Variants in VPS16 observed in about 807,000 individuals in gnomAD.
VPS16 encodes vacuolar protein sorting-associated protein 16 homolog.
Under a neutral mutation model 116.0 loss-of-function variants are expected in VPS16, and 82 were observed. That is an observed-to-expected ratio of 0.71 (90% CI 0.59 to 0.85). The LOEUF is 0.85. Among genes scored for constraint, VPS16 ranks in the 40% least tolerant of loss-of-function variants. VPS16 has a pLI of 0.00. For missense variants in VPS16, 928 were observed against 1,090.6 expected (o/e 0.85, Z 2.10); for synonymous variants, 406 against 420.7 (o/e 0.96, Z 0.43).
chr20:2,840,917 CT>C, intron 1 of VPS16, 90 bp downstream of exon 1: 1 of 1,260,226 alleles, frequency 7.9e-7, no homozygotes, highest in Non-Finnish European at 1.1e-6. Context: ...CCTGTCACTA[CT>C]GGCGCTGGGG....
At chr20:2,842,844 C>CTATCGATA (rs1568621000) in intron 1 of VPS16, among the ~76,000 whole-genome samples, 6 of 20,222 alleles carry the variant, frequency 3.0e-4, no homozygotes, top group South Asian at 3.0e-3. Flanking sequence ...ATGTATCTAT[C>CTATCGATA]GATAGATAGA....
intron 1 of VPS16, among the ~76,000 whole-genome samples, chr20:2,846,973 C>T (rs2089066397): frequency 6.6e-6 from 1 of 152,152 alleles, no homozygotes; most frequent in African/African-American, 2.4e-5. Context: ...AAAGATGGGG[C>T]TGGCCTTCCT....
At chr20:2,847,519 G>A (rs2089072961) in intron 1 of VPS16, among the ~76,000 whole-genome samples, 3 of 137,806 alleles carry the variant, frequency 2.2e-5, no homozygotes, top group South Asian at 4.6e-4. Context: ...TTGCTCTGTC[G>A]CCAGGCTGGA....
chr20:2,860,035 G>A lies in VPS16; in HGVS notation c.143-19G>A, dbSNP rs781160193. ...TGGGCCTAGGGAGCTAGGACAGAAG[G>A]TCTCTTCTCAAACTGCAGCACTGCT... On this transcript the variant is annotated intron_variant, in intron 2 of 23. Coordinates refer to ENST00000380445, the MANE Select transcript of VPS16 (RefSeq NM_022575.4). The surrounding 1 kb of genome is among the most constrained non-coding windows in gnomAD (Gnocchi z 6.1). 6.2e-7 allele frequency: 1 copy of A among 1,613,810 alleles called. No individual in the cohort carries two copies.
chr20:2,848,120 C>T (rs1285745036), intron 1 of VPS16, among the ~76,000 whole-genome samples: 1 of 152,236 alleles, frequency 6.6e-6, no homozygotes, highest in Non-Finnish European at 1.5e-5. Flanking sequence ...GTTCACGTAG[C>T]AGGCAGATTG....
chr20:2,861,163 G>A (rs1363810923), intron 7 of VPS16, 62 bp from the exon 8 acceptor site: 1 of 1,614,042 alleles, frequency 6.2e-7, no homozygotes, highest in African/African-American at 1.3e-5. Context: ...GATGCGGGAG[G>A]GCTTTTCGAC....
intron 1 of VPS16, among the ~76,000 whole-genome samples, chr20:2,841,474 T>TA (rs2088973473): frequency 1.3e-5 from 2 of 152,244 alleles, no homozygotes; most frequent in South Asian, 4.1e-4. Context: ...ACCGCTCTCC[T>TA]ACCCAAATCT....
At chr20:2,842,829 TATAGATGTATCTATCGATAG>T (rs1599967288) in intron 1 of VPS16, among the ~76,000 whole-genome samples, 94 of 3,358 alleles carry the variant, frequency 0.028, no homozygotes, top group African/African-American at 0.086. Flanking sequence ...TAGATAGACA[TATAGATGTATCTATCGATAG>T]ATAGATGTAT....
Position 2,861,833 on chromosome 20 carries a change from G to GTCC in VPS16, c.929_930insCCT (p.Val310_Pro311insLeu), listed in dbSNP as rs777899918. The GTCC allele has an allele frequency of 6.2e-7, 1 of 1,613,984 alleles. No homozygotes were observed. The highest frequency in any genetic ancestry group is 8.5e-7 in the Non-Finnish European group (1 of 1,179,962). On this transcript the variant is annotated inframe_insertion, in exon 10 of 24. Transcript: ENST00000380445. ...TGTGCTGGATGAGGACTCCTACCTG[G>GTCC]TGCCTGAGCTCGATGGGGTCCGCAT...
intron 1 of VPS16, among the ~76,000 whole-genome samples, chr20:2,847,426 G>T: frequency 7.4e-6 from 1 of 135,106 alleles, no homozygotes; most frequent in Non-Finnish European, 1.6e-5. Flanking sequence ...TCCCACCCTT[G>T]TGCTCATCCA....
Position 2,863,936 on chromosome 20 carries a change from G to T in VPS16, c.1477-13G>T, listed in dbSNP as rs770008498. On this transcript the variant is annotated splice_polypyrimidine_tract_variant and intron_variant, in intron 15 of 23. Coordinates refer to ENST00000380445, the MANE Select transcript of VPS16 (RefSeq NM_022575.4). This position sits in a 1 kb window ranked among gnomAD's most constrained non-coding sequence, Gnocchi z 4.4. ...GGCATCCAGATGTTTGTGACACCCC[G>T]CATCCCTTGCAGGTGCAACAGAAGG... 1 of 1,612,228 alleles carries T rather than the reference G, an allele frequency of 6.2e-7. No individual in the cohort carries two copies. Among genetic ancestry groups the T allele is most frequent in the Admixed American group, 1.7e-5 (1 of 59,954 alleles).
At chr20:2,845,043 T>TGTGTG (rs879865028) in intron 1 of VPS16, among the ~76,000 whole-genome samples, 2 of 150,862 alleles carry the variant, frequency 1.3e-5, no homozygotes, top group African/African-American at 2.5e-5. Flanking sequence ...TGTGTGTGTG[T>TGTGTG]TTTAAGTTCC....
In VPS16 at chr20:2,860,395, G is replaced by A. The variant is rs766400616; in HGVS notation, c.369+28G>A. 1.9e-6 allele frequency: 3 copies of A among 1,614,080 alleles called. No homozygotes were observed. The highest frequency in any genetic ancestry group is 1.6e-4 in the Middle Eastern group (1 of 6,062). On this transcript the variant is annotated intron_variant, in intron 4 of 23. Coordinates refer to ENST00000380445, the MANE Select transcript of VPS16 (RefSeq NM_022575.4). This position sits in a 1 kb window ranked among gnomAD's most constrained non-coding sequence, Gnocchi z 6.1. ...AGGGGTCACAGAGGGCTGGGGACGC[G>A]GGGTAGAGTTTATGACCCTGTGGCT...
At chr20:2,843,386 C>T (rs1006721660) in intron 1 of VPS16, among the ~76,000 whole-genome samples, 9 of 151,132 alleles carry the variant, frequency 6.0e-5, no homozygotes, top group African/African-American at 1.9e-4. Flanking sequence ...GAGCCAAGAT[C>T]GCACCACTGT....
intron 1 of VPS16, among the ~76,000 whole-genome samples, chr20:2,845,007 GGTGTGTGTGTGTGTGTGTGTGT>G (rs375923174): frequency 6.9e-6 from 1 of 144,014 alleles, no homozygotes; most frequent in Non-Finnish European, 1.5e-5. Context: ...ATTTGCAAGG[GGTGTGTGTGTGTGTGTGTGTGT>G]GTGTGTGTGT....
intron 1 of VPS16, among the ~76,000 whole-genome samples, chr20:2,855,024 A>C (rs1485924928): frequency 1.5e-5 from 2 of 131,834 alleles, no homozygotes; most frequent in African/African-American, 6.1e-5. Flanking sequence ...GCAGTGGTGC[A>C]ATCTCGGCTC....
rs796083898 is a variant in VPS16 at position 2,854,080 on chromosome 20, A to C, written c.54-5639A>C. Among the ~76,000 whole-genome samples the C allele has an allele frequency of 1.8e-4, 28 of 152,238 alleles. 1 individual carries two copies. Among genetic ancestry groups the C allele is most frequent in the African/African-American group, 6.7e-4 (28 of 41,558 alleles). On this transcript the variant is annotated intron_variant, in intron 1 of 23. Coordinates refer to ENST00000380445, the MANE Select transcript of VPS16 (RefSeq NM_022575.4). ...TTTCAGTTTTGTCCAGATCCATCAG[A>C]GAAATTACTAGCTATGGCAGCTATA...
At chr20:2,844,181 T>TC (rs746255598) in intron 1 of VPS16, among the ~76,000 whole-genome samples, 3 of 152,200 alleles carry the variant, frequency 2.0e-5, no homozygotes, top group Non-Finnish European at 2.9e-5. Context: ...TTTCACCTTT[T>TC]CCACCAGAAT....
rs567142177 is a variant in VPS16 at position 2,853,675 on chromosome 20, A to T, written c.54-6044A>T. The stretch of plus-strand genomic sequence containing the variant: ...TGAATCATAAGAGTATTTTATTTTT[A>T]TTTTTTTTATTTTTTGGGACGAAGT... On this transcript the variant is annotated intron_variant, in intron 1 of 23. Coordinates refer to ENST00000380445, the MANE Select transcript of VPS16 (RefSeq NM_022575.4). 3.1e-4 allele frequency among the ~76,000 whole-genome samples: 47 copies of T among 151,504 alleles called. 3 individuals are homozygous for T. Among genetic ancestry groups the T allele is most frequent in the Non-Finnish European group, 1.6e-4 (11 of 67,874 alleles).
Sources: gnomAD v4.1 joint callset for allele counts (sites outside exome capture counted in the v4.1 genomes callset) on GRCh38, gnomAD v4.1.1 for gene constraint, Gnocchi (gnomAD v3.1) non-coding constraint, MANE v1.5 for transcripts, NCBI Gene and HGNC (gene_info 2026-07-23, HGNC 2026-07-21) for gene names.